CCSER1: variants seen among roughly 807,000 people sequenced by gnomAD.
CCSER1 encodes the protein serine-rich coiled-coil domain-containing protein 1.
Under a neutral mutation model 82.0 loss-of-function variants are expected in CCSER1, and 41 were observed. The ratio of observed to expected loss-of-function variants is 0.50; its 90% CI spans 0.39 to 0.65. The LOEUF (loss-of-function observed/expected upper bound fraction) is 0.65, where lower values mean the gene tolerates loss of function less well. CCSER1 is among the 30% of genes least tolerant of loss of function. CCSER1 has a pLI of 0.00. For synonymous variants in CCSER1, 414 were observed against 383.9 expected (o/e 1.08, Z -0.92); for missense variants, 1,119 against 1,064.2 (o/e 1.05, Z -0.72).
chr4:90,703,281 T>C (rs575390525), intron 6 of CCSER1, among the ~76,000 whole-genome samples: 4 of 152,304 alleles, frequency 2.6e-5, no homozygotes, highest in South Asian at 4.1e-4. Flanking sequence ...AGTTGAGAAG[T>C]TTTGAGTGAC....
rs1397729418 is a variant in CCSER1, at chr4:91,600,327, A to G, written c.*1270A>G. On this transcript the variant is annotated 3_prime_UTR_variant, in exon 11 of 11. Transcript: ENST00000509176. ...GTAGCAGAGCAGAATCAAAGAGTAC[A>G]ATTGAATACATAAATAAATAATTTT... The G allele has an allele frequency of 6.6e-6, 1 of 152,154 alleles. No individual in the cohort carries two copies. Among genetic ancestry groups the G allele is most frequent in the Non-Finnish European group, 1.5e-5 (1 of 68,000 alleles). The allele number at this position is 152,154 out of a possible 1,614,324, so 9.4% of individuals were successfully genotyped here. A position where few individuals can be genotyped will look rare whatever the true frequency, so the allele number is the denominator to read the frequency against.
At chr4:90,320,125 G>C (rs1014915906) in intron 3 of CCSER1, among the ~76,000 whole-genome samples, 1 of 152,118 alleles carries the variant, frequency 6.6e-6, no homozygotes, top group African/African-American at 2.4e-5. Context: ...TACCTGAAAG[G>C]TTTCAATCGT....
intron 9 of CCSER1, among the ~76,000 whole-genome samples, chr4:90,932,660 T>G (rs1729974263): frequency 6.6e-6 from 1 of 151,044 alleles, no homozygotes; most frequent in Admixed American, 6.6e-5. Context: ...AAATCCCTTC[T>G]CTACTAAAAT....
At chr4:90,468,565 C>A in intron 5 of CCSER1, 1 of 417,700 alleles carries the variant, frequency 2.4e-6, no homozygotes, top group East Asian at 4.0e-5. Flanking sequence ...ATTCAAGTTT[C>A]ATTTTGTTAC....
intron 10 of CCSER1, among the ~76,000 whole-genome samples, chr4:91,091,625 TGTC>T (rs1723968272): frequency 6.6e-6 from 1 of 152,184 alleles, no homozygotes; most frequent in Non-Finnish European, 1.5e-5. Context: ...GAGCAGGGCT[TGTC>T]GTCCTCCTCA....
intron 7 of CCSER1, among the ~76,000 whole-genome samples, chr4:90,807,106 G>A (rs182588621): frequency 2.4e-4 from 37 of 152,032 alleles, no homozygotes; most frequent in Admixed American, 5.2e-4. Context: ...AATTTCCATG[G>A]GACTAAAGAA....
intron 10 of CCSER1, among the ~76,000 whole-genome samples, chr4:91,229,102 A>G (rs796904607): frequency 1.7e-4 from 26 of 152,244 alleles, no homozygotes; most frequent in African/African-American, 5.8e-4. Flanking sequence ...AGTCTGCAGT[A>G]TGAGCAGCAT....
chr4:90,250,090 G>T (rs1245356949), intron 1 of CCSER1, among the ~76,000 whole-genome samples: 1 of 151,916 alleles, frequency 6.6e-6, no homozygotes, highest in Non-Finnish European at 1.5e-5. Flanking sequence ...AAAAAATTGG[G>T]TTGTATTTTT....
At position 90,745,851 on chromosome 4, in the gene CCSER1, A is replaced by T. The variant is rs201016299; in HGVS notation, c.2010+21860A>T. Among the ~76,000 whole-genome samples the T allele has an allele frequency of 1.5e-4, 22 of 146,996 alleles. No homozygotes were observed. In the East Asian group the frequency reaches 4.2e-3, roughly 28 times the overall value. On this transcript the variant is annotated intron_variant, in intron 7 of 10. Transcript: ENST00000509176. ...ACTACAGGCGCCCGCCACCACACCC[A>T]GCTAAATTTTTTTTAATTTTTTTTT... is the stretch of plus-strand genomic sequence containing the variant.
intron 6 of CCSER1, among the ~76,000 whole-genome samples, chr4:90,666,122 C>T (rs951157385): frequency 4.6e-5 from 7 of 152,042 alleles, no homozygotes; most frequent in Non-Finnish European, 8.8e-5. Flanking sequence ...CTGACATCCC[C>T]CCTCTGCCAC....
intron 5 of CCSER1, among the ~76,000 whole-genome samples, chr4:90,496,277 T>C (rs1291250665): frequency 6.6e-6 from 1 of 152,138 alleles, no homozygotes; most frequent in Non-Finnish European, 1.5e-5. Flanking sequence ...TTTCAGAAAA[T>C]GATCTGTGAC....
At chr4:91,477,261 T>G (rs114747363) in intron 10 of CCSER1, among the ~76,000 whole-genome samples, 2,812 of 151,786 alleles carry the variant, frequency 0.019, 75 homozygotes, top group African/African-American at 0.061. Context: ...GAGCCAATGT[T>G]CTTAAGACAA....
At chr4:90,474,162 A>T (rs562563780) in intron 5 of CCSER1, among the ~76,000 whole-genome samples, 1 of 151,844 alleles carries the variant, frequency 6.6e-6, no homozygotes, top group South Asian at 2.1e-4. Context: ...AAAATGCAAA[A>T]GTGTAGCTGT....
At chr4:90,429,301 C>T (rs1345816999) in intron 4 of CCSER1, among the ~76,000 whole-genome samples, 10 of 151,616 alleles carry the variant, frequency 6.6e-5, no homozygotes, top group South Asian at 2.1e-4. Flanking sequence ...ATTATTGTAA[C>T]GACACAGAGC....
chr4:91,267,030 T>C (rs768034090), intron 10 of CCSER1, among the ~76,000 whole-genome samples: 3 of 152,220 alleles, frequency 2.0e-5, no homozygotes, highest in African/African-American at 7.2e-5. Flanking sequence ...AGACAAACTT[T>C]GCAGATTTAT....
chr4:90,724,663 TA>T (rs1404838660), intron 7 of CCSER1: 2 of 387,020 alleles, frequency 5.2e-6, no homozygotes, highest in Non-Finnish European at 1.0e-5. Flanking sequence ...TTATTATAAA[TA>T]AAAACAATTC....
intron 1 of CCSER1, among the ~76,000 whole-genome samples, chr4:90,229,874 A>G (rs1744090618): frequency 6.6e-6 from 1 of 152,342 alleles, no homozygotes; most frequent in South Asian, 2.1e-4. Flanking sequence ...GAGACAAAGA[A>G]GGCCATTACA....
intron 1 of CCSER1, among the ~76,000 whole-genome samples, chr4:90,295,696 C>T (rs186074453): frequency 6.6e-6 from 1 of 152,052 alleles, no homozygotes; most frequent in Admixed American, 6.6e-5. Flanking sequence ...TATTAATTAT[C>T]TGACTGGCAT....
intron 4 of CCSER1, among the ~76,000 whole-genome samples, chr4:90,467,287 G>A (rs556625408): frequency 3.3e-5 from 5 of 152,200 alleles, no homozygotes; most frequent in Non-Finnish European, 7.4e-5. Flanking sequence ...GGGAGGCTGA[G>A]GTAGGAGAAT....
Sources: gnomAD v4.1 joint callset for allele counts (sites outside exome capture counted in the v4.1 genomes callset) on GRCh38, gnomAD v4.1.1 for gene constraint, MANE v1.5 for transcripts, NCBI Gene and HGNC (gene_info 2026-07-23, HGNC 2026-07-21) for gene names.